Variants in KIF5C observed in about 807,000 individuals in gnomAD.
The protein encoded by KIF5C is kinesin heavy chain isoform 5C.
A neutral mutation model predicts 125.2 loss-of-function variants in KIF5C; 18 were observed. That is an observed-to-expected ratio of 0.14 (90% CI 0.10 to 0.21). The LOEUF is 0.21. KIF5C is among the 10% of genes least tolerant of loss of function. The pLI is 1.00. For missense variants in KIF5C, 780 were observed against 1,183.8 expected (o/e 0.66, Z 5.01); for synonymous variants, 405 against 434.0 (o/e 0.93, Z 0.83).
At chr2:148,967,858 A>G (rs376683514) in intron 11 of KIF5C, among the ~76,000 whole-genome samples, 2 of 152,050 alleles carry the variant, frequency 1.3e-5, no homozygotes, top group Admixed American at 6.6e-5. Context: ...GAACAATCCT[A>G]TATATGGAGA....
chr2:148,879,877 G>A (rs1387339511), intron 1 of KIF5C: 2 of 152,160 alleles, frequency 1.3e-5, no homozygotes, highest in Non-Finnish European at 1.5e-5. Flanking sequence ...CTAAGAGCCA[G>A]AGCAAAACAT....
At chr2:148,998,692 C>G in intron 19 of KIF5C, 183 bp downstream of exon 19, 1 of 1,014,342 alleles carries the variant, frequency 9.9e-7, no homozygotes, top group South Asian at 1.8e-5. Flanking sequence ...GGAGCTGAGC[C>G]TCCTGGAGCC....
chr2:148,925,641 C>T (rs1301320545), intron 2 of KIF5C, among the ~76,000 whole-genome samples: 1 of 152,158 alleles, frequency 6.6e-6, no homozygotes, highest in Non-Finnish European at 1.5e-5. Context: ...CTTCTGTACT[C>T]CCCTGCCCCC....
At chr2:149,009,336 T>C (rs1682113175) in intron 23 of KIF5C, among the ~76,000 whole-genome samples, 1 of 152,148 alleles carries the variant, frequency 6.6e-6, no homozygotes, top group African/African-American at 2.4e-5. Context: ...TTATTAAAAA[T>C]GTACTCTCTG....
intron 17 of KIF5C, among the ~76,000 whole-genome samples, chr2:148,995,102 T>C (rs1681630021): frequency 6.6e-6 from 1 of 152,164 alleles, no homozygotes; most frequent in South Asian, 2.1e-4. Context: ...CCCCACCTCC[T>C]GACTCTAGTT....
intron 1 of KIF5C, among the ~76,000 whole-genome samples, chr2:148,880,032 C>T (rs978040836): frequency 1.4e-4 from 21 of 152,318 alleles, no homozygotes; most frequent in Non-Finnish European, 2.4e-4. Context: ...AATACAGCTA[C>T]ACCTTAAAAC....
chr2:148,941,837 G>T, intron 5 of KIF5C, 98 bp from the exon 6 acceptor site: 1 of 1,510,006 alleles, frequency 6.6e-7, no homozygotes, highest in African/African-American at 1.4e-5. Context: ...AAAGAGATTA[G>T]ATTTGACTGT....
intron 1 of KIF5C, among the ~76,000 whole-genome samples, chr2:148,881,189 C>T (rs1681339393): frequency 6.6e-6 from 1 of 152,060 alleles, no homozygotes; most frequent in South Asian, 2.1e-4. Flanking sequence ...CAAATTAGTG[C>T]CCCTTCTGGC....
At chr2:148,892,999 C>G (rs962938740) in intron 1 of KIF5C, among the ~76,000 whole-genome samples, 6 of 152,112 alleles carry the variant, frequency 3.9e-5, no homozygotes, top group Non-Finnish European at 7.3e-5. Context: ...TTGGATTGGA[C>G]CTGCAGGACA....
At chr2:148,914,215 C>T (rs1383075150) in intron 1 of KIF5C, among the ~76,000 whole-genome samples, 1 of 152,202 alleles carries the variant, frequency 6.6e-6, no homozygotes, top group Non-Finnish European at 1.5e-5. Context: ...CCTCCTACCC[C>T]CTGTAGGTAA....
At position 148,875,575 on chromosome 2, in the gene KIF5C, G is replaced by GGGCCCCCCCCCCCCCCCCCCCCCCCC; in HGVS notation, c.-43_-42insGGCCCCCCCCCCCCCCCCCCCCCCCC. Reference sequence around the variant, plus strand: ...TCCTCCCTCGTCGTTCCCGGCCCCGGCCCCCCACCCATCCCCGTGCCCCCT... The same window carrying GGGCCCCCCCCCCCCCCCCCCCCCCCC: ...TCCTCCCTCGTCGTTCCCGGCCCCGGGGCCCCCCCCCCCCCCCCCCCCCCCCCCCCCCACCCATCCCCGTGCCCCCT... On this transcript the variant is annotated 5_prime_UTR_variant, in exon 1 of 26. Transcript: ENST00000435030. The GGGCCCCCCCCCCCCCCCCCCCCCCCC allele has an allele frequency of 2.9e-6, 2 of 699,604 alleles. No individual in the cohort carries two copies. Among genetic ancestry groups the GGGCCCCCCCCCCCCCCCCCCCCCCCC allele is most frequent in the Non-Finnish European group, 5.1e-6 (2 of 389,228 alleles). The allele number at this position is 699,604 out of a possible 1,614,324, so 43.3% of individuals were successfully genotyped here. A position where few individuals can be genotyped will look rare whatever the true frequency, so the allele number is the denominator to read the frequency against.
At chr2:149,009,255 G>A (rs1325849049) in intron 23 of KIF5C, among the ~76,000 whole-genome samples, 1 of 152,042 alleles carries the variant, frequency 6.6e-6, no homozygotes, top group Non-Finnish European at 1.5e-5. Flanking sequence ...CTCCCAAAGT[G>A]CTGGAATTAC....
intron 1 of KIF5C, among the ~76,000 whole-genome samples, chr2:148,886,496 T>C (rs1681530617): frequency 6.6e-6 from 1 of 152,110 alleles, no homozygotes; most frequent in Admixed American, 6.5e-5. Context: ...CCAGGTTCCG[T>C]ATTGGGATGA....
chr2:148,921,388 A>G (rs1435064754), intron 1 of KIF5C, among the ~76,000 whole-genome samples: 1 of 152,194 alleles, frequency 6.6e-6, no homozygotes, highest in Non-Finnish European at 1.5e-5. Flanking sequence ...ATTCTTTTGG[A>G]CACAAAGCAA....
In KIF5C at chr2:149,023,700, A is replaced by C. The variant is rs962788085; in HGVS notation, c.*630A>C. 1.3e-5 allele frequency: 2 copies of C among 152,584 alleles called. No homozygotes were observed. Among genetic ancestry groups the C allele is most frequent in the African/African-American group, 2.4e-5 (1 of 41,462 alleles). The allele number at this position is 152,584 out of a possible 1,614,324, so 9.5% of individuals were successfully genotyped here. On this transcript the variant is annotated 3_prime_UTR_variant, in exon 26 of 26. Transcript: ENST00000435030. ...CTTTGGGGCAGAAAAACAATCTGAC[A>C]GTAGCAGTGTAGAATTTGTTCATTC...
chr2:148,961,072 C>T (rs1477232790), intron 10 of KIF5C, among the ~76,000 whole-genome samples: 3 of 152,200 alleles, frequency 2.0e-5, no homozygotes, highest in Non-Finnish European at 4.4e-5. Context: ...TGTGGCATCT[C>T]AACCCCCCAG....
chr2:148,999,736 A>G (rs1008894882), intron 19 of KIF5C, among the ~76,000 whole-genome samples: 6 of 152,332 alleles, frequency 3.9e-5, no homozygotes, highest in African/African-American at 1.4e-4. Flanking sequence ...TGGAGGGGGA[A>G]GCTTCCCTGG....
chr2:148,909,322 C>G (rs1209293356), intron 1 of KIF5C, among the ~76,000 whole-genome samples: 2 of 152,236 alleles, frequency 1.3e-5, no homozygotes, highest in African/African-American at 4.8e-5. Flanking sequence ...CCGCTGCTGG[C>G]AAGCCTCCAG....
chr2:148,987,829 T>A (rs977320642), intron 15 of KIF5C, among the ~76,000 whole-genome samples: 5 of 152,224 alleles, frequency 3.3e-5, no homozygotes, highest in African/African-American at 1.2e-4. Flanking sequence ...CCACACTGAC[T>A]TCTTTTTGTC....
Sources: gnomAD v4.1 joint callset for allele counts (sites outside exome capture counted in the v4.1 genomes callset) on GRCh38, gnomAD v4.1.1 for gene constraint, MANE v1.5 for transcripts, NCBI Gene and HGNC (gene_info 2026-07-23, HGNC 2026-07-21) for gene names.